Variants in RABGAP1L observed in about 807,000 individuals in gnomAD.
RABGAP1L encodes RAB GTPase activating protein 1 like.
A neutral mutation model predicts 137.7 loss-of-function variants in RABGAP1L; 63 were observed. The ratio of observed to expected loss-of-function variants is 0.46; its 90% CI spans 0.37 to 0.56. The LOEUF (loss-of-function observed/expected upper bound fraction) is 0.56, where lower values mean the gene tolerates loss of function less well. RABGAP1L is among the 20% of genes least tolerant of loss of function. The pLI is 0.00. For missense variants in RABGAP1L, 1,095 were observed against 1,244.0 expected (o/e 0.88, Z 1.80); for synonymous variants, 431 against 433.7 (o/e 0.99, Z 0.08).
At chr1:174,561,471 C>T (rs2148017383) in intron 13 of RABGAP1L, among the ~76,000 whole-genome samples, 1 of 152,298 alleles carries the variant, frequency 6.6e-6, no homozygotes, top group South Asian at 2.1e-4. Flanking sequence ...CCCCATCAAG[C>T]TACCATTGCC....
At chr1:174,539,352 T>A (rs1665166598) in intron 13 of RABGAP1L, among the ~76,000 whole-genome samples, 1 of 152,124 alleles carries the variant, frequency 6.6e-6, no homozygotes, top group African/African-American at 2.4e-5. Flanking sequence ...TGCAGGTTTG[T>A]TACATATGTA....
intron 14 of RABGAP1L, among the ~76,000 whole-genome samples, chr1:174,661,015 A>G (rs577345470): frequency 6.6e-6 from 1 of 152,212 alleles, no homozygotes; most frequent in African/African-American, 2.4e-5. Flanking sequence ...AGTCTTCCAC[A>G]TGATAGATAA....
chr1:174,623,240 A>C (rs540368808), intron 13 of RABGAP1L, among the ~76,000 whole-genome samples: 1 of 152,290 alleles, frequency 6.6e-6, no homozygotes, highest in Admixed American at 6.5e-5. Flanking sequence ...CGTATATCTA[A>C]ATAGAGAAAA....
At chr1:174,860,116 C>T (rs1460658994) in intron 19 of RABGAP1L, among the ~76,000 whole-genome samples, 1 of 151,936 alleles carries the variant, frequency 6.6e-6, no homozygotes, top group African/African-American at 2.4e-5. Flanking sequence ...AATGTAGGTT[C>T]TTTATGTGGT....
chr1:174,916,619 G>T (rs530130109), intron 19 of RABGAP1L, among the ~76,000 whole-genome samples: 1 of 152,174 alleles, frequency 6.6e-6, no homozygotes, highest in Non-Finnish European at 1.5e-5. Context: ...TTGTCTTTTA[G>T]TGTCAGTTTC....
At chr1:174,247,629 A>G (rs1280340528) in intron 5 of RABGAP1L, among the ~76,000 whole-genome samples, 1 of 152,222 alleles carries the variant, frequency 6.6e-6, no homozygotes, top group Non-Finnish European at 1.5e-5. Flanking sequence ...GTTCCTGGCA[A>G]CATGGCTGCC....
intron 13 of RABGAP1L, among the ~76,000 whole-genome samples, chr1:174,527,499 C>G (rs916382068): frequency 2.0e-5 from 3 of 152,154 alleles, no homozygotes; most frequent in Non-Finnish European, 4.4e-5. Flanking sequence ...AGCTACCATG[C>G]CTGGCCTATG....
At chr1:174,673,588 T>C (rs773097755) in intron 14 of RABGAP1L, among the ~76,000 whole-genome samples, 14 of 152,184 alleles carry the variant, frequency 9.2e-5, no homozygotes, top group Non-Finnish European at 1.8e-4. Flanking sequence ...CATATTTCTC[T>C]TCTTAATGCA....
chr1:174,509,166 CCTTT>C (rs1662103860), intron 13 of RABGAP1L, among the ~76,000 whole-genome samples: 1 of 152,020 alleles, frequency 6.6e-6, no homozygotes, highest in Admixed American at 6.6e-5. Context: ...GCTCAGATAC[CCTTT>C]CTTCATTTAA....
intron 13 of RABGAP1L, among the ~76,000 whole-genome samples, chr1:174,620,404 T>C (rs2148265633): frequency 6.6e-6 from 1 of 152,172 alleles, no homozygotes; most frequent in South Asian, 2.1e-4. Flanking sequence ...CCTCAGCAAA[T>C]GTAAAAGAAC....
intron 1 of RABGAP1L, among the ~76,000 whole-genome samples, chr1:174,204,519 C>T (rs533701347): frequency 2.8e-4 from 42 of 152,192 alleles, no homozygotes; most frequent in African/African-American, 8.9e-4. Flanking sequence ...AGCTTTTGAC[C>T]GTTGAGTATA....
intron 17 of RABGAP1L, among the ~76,000 whole-genome samples, chr1:174,725,480 T>C (rs1681905136): frequency 6.6e-6 from 1 of 152,182 alleles, no homozygotes; most frequent in African/African-American, 2.4e-5. Context: ...TTCTCCCCCA[T>C]AAGTTTTCTA....
intron 13 of RABGAP1L, among the ~76,000 whole-genome samples, chr1:174,627,186 T>TA (rs1672993049): frequency 1.3e-5 from 2 of 152,200 alleles, no homozygotes; most frequent in Non-Finnish European, 1.5e-5. Flanking sequence ...CAAATCAAGG[T>TA]ACACAGTGTT....
intron 7 of RABGAP1L, among the ~76,000 whole-genome samples, chr1:174,256,256 G>A (rs557646871): frequency 1.3e-5 from 2 of 151,940 alleles, no homozygotes; most frequent in South Asian, 4.2e-4. Flanking sequence ...CCCATTTTTG[G>A]CTTTGTTTAA....
chr1:174,693,339 T>TCA (rs1679008325), intron 15 of RABGAP1L, among the ~76,000 whole-genome samples: 1 of 152,238 alleles, frequency 6.6e-6, no homozygotes, highest in African/African-American at 2.4e-5. Context: ...TGTTAAATTT[T>TCA]CAGGAATTCT....
intron 18 of RABGAP1L, among the ~76,000 whole-genome samples, chr1:174,787,019 A>G (rs1459719114): frequency 2.0e-5 from 3 of 152,162 alleles, no homozygotes; most frequent in Non-Finnish European, 4.4e-5. Context: ...GTGCCTACAA[A>G]TAATTGTCGT....
chr1:174,615,521 CA>C (rs1671746182), intron 13 of RABGAP1L, among the ~76,000 whole-genome samples: 1 of 152,178 alleles, frequency 6.6e-6, no homozygotes, highest in Non-Finnish European at 1.5e-5. Flanking sequence ...TCTCAGGGGT[CA>C]GGGGTCAGGG....
At chr1:174,863,258 T>C (rs1037893458) in intron 19 of RABGAP1L, among the ~76,000 whole-genome samples, 3 of 72,584 alleles carry the variant, frequency 4.1e-5, no homozygotes, top group African/African-American at 1.6e-4. Flanking sequence ...AGAAAAACAG[T>C]ATATTTAATG....
chr1:174,295,381 TTTTC>T (rs1218921683), intron 10 of RABGAP1L, among the ~76,000 whole-genome samples: 4 of 151,672 alleles, frequency 2.6e-5, no homozygotes, highest in Admixed American at 6.6e-5. Context: ...CCTGGCTAGT[TTTTC>T]TTTCTTTCTT....
Sources: gnomAD v4.1 joint callset for allele counts (sites outside exome capture counted in the v4.1 genomes callset) on GRCh38, gnomAD v4.1.1 for gene constraint, MANE v1.5 for transcripts, NCBI Gene and HGNC (gene_info 2026-07-23, HGNC 2026-07-21) for gene names.